FOSL1: variants seen among roughly 807,000 people sequenced by gnomAD.
FOSL1 encodes the protein FOS like 1, AP-1 transcription factor subunit, also known as fos-related antigen 1.
In FOSL1, 14 loss-of-function variants were observed where a neutral mutation model predicts 24.9. The ratio of observed to expected loss-of-function variants is 0.56; its 90% CI spans 0.37 to 0.88. The LOEUF is 0.88. Ranked by LOEUF, FOSL1 falls within the 40% of genes least tolerant of loss-of-function variation. FOSL1 has a pLI of 0.00. For synonymous variants in FOSL1, 133 were observed against 145.1 expected (o/e 0.92, Z 0.60); for missense variants, 318 against 359.8 (o/e 0.88, Z 0.94).
rs1860408062 is a variant in FOSL1 at position 65,892,433 on chromosome 11, A to G, written c.*453T>C. 1 of 380,564 alleles carries G rather than the reference A, an allele frequency of 2.6e-6. No individual in the cohort carries two copies. The highest frequency in any genetic ancestry group is 5.2e-6 in the Non-Finnish European group (1 of 191,260). 23.6% of individuals were successfully genotyped at this position (380,564 alleles called of 1,614,324 possible). On this transcript the variant is annotated 3_prime_UTR_variant, in exon 4 of 4. Coordinates refer to ENST00000312562, the MANE Select transcript of FOSL1 (RefSeq NM_005438.5). Reference sequence around the variant, plus strand: ...AGGGGGCGGCAGAATGGCCTGGTCCAATCACCTGCTGCTGCTGGCAGTGGG... The same window carrying G: ...AGGGGGCGGCAGAATGGCCTGGTCCGATCACCTGCTGCTGCTGGCAGTGGG...
At chr11:65,898,256 G>GCC (rs1322785727) in intron 1 of FOSL1, among the ~76,000 whole-genome samples, 1 of 152,064 alleles carries the variant, frequency 6.6e-6, no homozygotes, top group Non-Finnish European at 1.5e-5. Context: ...GGCCAGGCTG[G>GCC]TCTTGAACTC....
chr11:65,895,927 A>C (rs773259839), intron 2 of FOSL1, among the ~76,000 whole-genome samples: 24 of 152,364 alleles, frequency 1.6e-4, no homozygotes, highest in South Asian at 8.3e-4. Context: ...TTATTTTGGT[A>C]AGGGCTTTGG....
rs1361935162 is a variant in FOSL1 at position 65,896,833 on chromosome 11, C to A, written c.273G>T (p.Gly91=). 6.2e-7 allele frequency: 1 copy of A among 1,611,544 alleles called. No individual in the cohort carries two copies. The highest frequency in any genetic ancestry group is 8.5e-7 in the Non-Finnish European group (1 of 1,178,432). ...GVIRALGPPP[G]VRRRPCEQIS... ...CCTGTTCACAAGGCCTTCGACGTAC[C>A]CCTGGAGGCGGCCCCAGGGCCCGGA... Residue 91 remains glycine (G), a synonymous_variant, in exon 2 of 4, where the codon GGG becomes GGT. Coordinates refer to ENST00000312562, the MANE Select transcript of FOSL1 (RefSeq NM_005438.5).
At chr11:65,893,376 A>G in intron 3 of FOSL1, 80 bp from the exon 4 acceptor site, 2 of 660,468 alleles carry the variant, frequency 3.0e-6, no homozygotes, top group African/African-American at 1.9e-5. Context: ...CAGGGTTCTG[A>G]GGAGCTGGGG....
At chr11:65,895,816 C>T (rs1860512622) in intron 2 of FOSL1, among the ~76,000 whole-genome samples, 1 of 152,166 alleles carries the variant, frequency 6.6e-6, no homozygotes, top group Admixed American at 6.6e-5. Context: ...TACCTGCCGA[C>T]CAAGCTTTTT....
chr11:65,896,690 G>A, intron 2 of FOSL1, 119 bp downstream of exon 2: 2 of 783,302 alleles, frequency 2.6e-6, no homozygotes, highest in Non-Finnish European at 2.0e-6. Context: ...TTGGGCAGTA[G>A]TCACCTGTAG....
Position 65,899,232 on chromosome 11 carries a change from A to G in FOSL1, c.99+1009T>C, listed in dbSNP as rs543717149. ...GCCCAATCGTCCGGGAAGCGCCCAC[A>G]AGCCCAGGCAAGTCCCGACAGCGGT... On this transcript the variant is annotated intron_variant, in intron 1 of 3. Coordinates refer to ENST00000312562, the MANE Select transcript of FOSL1 (RefSeq NM_005438.5). Among the ~76,000 whole-genome samples the G allele has an allele frequency of 4.4e-3, 665 of 152,298 alleles. 4 individuals carry two copies. Among genetic ancestry groups the G allele is most frequent in the Non-Finnish European group, 7.4e-3 (502 of 68,018 alleles).
rs1239025776 is a variant in FOSL1, at chr11:65,892,987, T to C, written c.715A>G (p.Ser239Gly). The C allele has an allele frequency of 3.1e-6, 5 of 1,612,610 alleles. No individual in the cohort carries two copies. In the African/African-American group the frequency reaches 4.0e-5, roughly 13 times the overall value. Residue 239 changes from serine to glycine, a missense_variant, in exon 4 of 4, where the codon AGC (serine) becomes GGC (glycine). Coordinates refer to ENST00000312562, the MANE Select transcript of FOSL1 (RefSeq NM_005438.5). ...FTPSLVFTYP[S>G]TPEPCASAHR... ...GCTGAGGCACAAGGCTCAGGAGTGCTGGGGTAGGTGAAGACCAGGCTGGGG... is the reference window on the plus strand; with the variant it reads ...GCTGAGGCACAAGGCTCAGGAGTGCCGGGGTAGGTGAAGACCAGGCTGGGG...
At position 65,893,181 on chromosome 11, in the gene FOSL1, A is replaced by T. The variant is rs748610244; in HGVS notation, c.521T>A (p.Ile174Asn). The change falls in exon 4 of 4, where the codon ATC becomes AAC. Residue 174 changes from isoleucine (I) to asparagine (N), a missense_variant. Coordinates refer to ENST00000312562, the MANE Select transcript of FOSL1 (RefSeq NM_005438.5). ...VLEAHRPICKIPEGAKEGDTG... is the reference protein window; with the variant it reads ...VLEAHRPICKNPEGAKEGDTG... ...GTCCCCCTCCTTGGCTCCTTCCGGG[A>T]TTTTGCAGATGGGTCGGTGGGCTTC... 1.9e-6 allele frequency: 3 copies of T among 1,613,738 alleles called. No homozygotes were observed. The Admixed American group carries it at 5.0e-5, about 27-fold the overall frequency.
chr11:65,896,864 C>A lies in FOSL1; in HGVS notation c.242G>T (p.Gly81Val). The A allele has an allele frequency of 1.2e-6, 2 of 1,613,816 alleles. No individual in the cohort carries two copies. Among genetic ancestry groups the A allele is most frequent in the Non-Finnish European group, 1.7e-6 (2 of 1,179,798 alleles). Residue 81 changes from glycine (G) to valine (V), a missense_variant, in exon 2 of 4, where the codon GGA becomes GTA. Physicochemically the swap from Gly to Val is moderately radical, Grantham distance 109. Coordinates refer to ENST00000312562, the MANE Select transcript of FOSL1 (RefSeq NM_005438.5). ...AGGCGGCCCCAGGGCCCGGATGACTCCTGGCCGGGGTTGTGGGGGGCTGTA... is the reference window on the plus strand; with the variant it reads ...AGGCGGCCCCAGGGCCCGGATGACTACTGGCCGGGGTTGTGGGGGGCTGTA... ...PQYSPPQPRP[G>V]VIRALGPPPG...
chr11:65,893,916 G>A (rs2134791759), intron 3 of FOSL1, 98 bp downstream of exon 3: 1 of 802,164 alleles, frequency 1.2e-6, no homozygotes, highest in Non-Finnish European at 2.1e-6. Context: ...CTCAGACAAG[G>A]AGCTAGGATG....
In FOSL1 at chr11:65,893,304, A is replaced by T. The variant is rs1418352239; in HGVS notation, c.406-8T>A. 4 of 1,591,702 alleles carry T rather than the reference A, an allele frequency of 2.5e-6. No individual in the cohort carries two copies. Among genetic ancestry groups the T allele is most frequent in the Admixed American group, 1.7e-5 (1 of 58,674 alleles). ...TTCCAGTTTGTCAGTCTCCTGTAGA[A>T]GATCAGGAGAGGAGTCAGAAAGGTG... On this transcript the variant is annotated splice_region_variant and splice_polypyrimidine_tract_variant and intron_variant, in intron 3 of 3. Transcript: ENST00000312562.
chr11:65,896,846 C>T lies in FOSL1; in HGVS notation c.260G>A (p.Gly87Glu). 1.2e-6 allele frequency: 2 copies of T among 1,612,768 alleles called. No homozygotes were observed. The highest frequency in any genetic ancestry group is 1.1e-5 in the South Asian group (1 of 91,028). ...QPRPGVIRAL[G>E]PPPGVRRRPC... ...CCTTCGACGTACCCCTGGAGGCGGC[C>T]CCAGGGCCCGGATGACTCCTGGCCG... The change falls in exon 2 of 4, where the codon GGG (glycine) becomes GAG (glutamate). Residue 87 changes from glycine (G) to glutamate (E), a missense_variant. Gly to Glu is a moderately conservative substitution (Grantham distance 98). Transcript: ENST00000312562.
intron 1 of FOSL1, among the ~76,000 whole-genome samples, chr11:65,897,784 C>T (rs1466920911): frequency 6.6e-6 from 1 of 152,056 alleles, no homozygotes. Flanking sequence ...CTGTGAGAAT[C>T]AGGTGAGAGA....
chr11:65,894,063 G>A lies in FOSL1; in HGVS notation c.356C>T (p.Ala119Val), dbSNP rs1438581647. 3 of 1,610,990 alleles carry A rather than the reference G, an allele frequency of 1.9e-6. No individual in the cohort carries two copies. The highest frequency in any genetic ancestry group is 1.1e-5 in the South Asian group (1 of 90,520). Residue 119 changes from alanine (A) to valine (V), a missense_variant, in exon 3 of 4, where the codon GCG becomes GTG. Transcript: ENST00000312562. ...RVRRERNKLA[A>V]AKCRNRRKEL... ...CTTCCTCCGGTTCCTGCACTTGGCC[G>A]CAGCCAGCTTGTTCCGCTCGCGCCT...
chr11:65,896,972 C>G lies in FOSL1; in HGVS notation c.134G>C (p.Ser45Thr), dbSNP rs1423930305. ...CATCCACTGCAGCTCCTGACTGCCA[C>G]TCATGGTGTTGATGCTTGGCACCAG... ...FHLVPSINTM[S>T]GSQELQWMVQ... The change falls in exon 2 of 4, where the codon AGT becomes ACT. Residue 45 changes from serine to threonine, a missense_variant. By Grantham distance (58) the Ser-to-Thr change is moderately conservative (BLOSUM62 1). Coordinates refer to ENST00000312562, the MANE Select transcript of FOSL1 (RefSeq NM_005438.5). 6.2e-7 allele frequency: 1 copy of G among 1,613,998 alleles called. No individual in the cohort carries two copies. Among genetic ancestry groups the G allele is most frequent in the Non-Finnish European group, 8.5e-7 (1 of 1,179,974 alleles).
At chr11:65,895,123 CTT>C (rs71036251) in intron 2 of FOSL1, among the ~76,000 whole-genome samples, 35 of 111,396 alleles carry the variant, frequency 3.1e-4, no homozygotes, top group African/African-American at 1.0e-3. Context: ...AACATAGATT[CTT>C]TTTTTTTTTT....
At chr11:65,896,055 A>G (rs1006936783) in intron 2 of FOSL1, among the ~76,000 whole-genome samples, 6 of 152,134 alleles carry the variant, frequency 3.9e-5, no homozygotes, top group Non-Finnish European at 7.3e-5. Flanking sequence ...CGGTAGAGAC[A>G]GGGTCTCTCT....
At chr11:65,893,596 GC>G (rs1349894407) in intron 3 of FOSL1, among the ~76,000 whole-genome samples, 1 of 152,118 alleles carries the variant, frequency 6.6e-6, no homozygotes, top group Non-Finnish European at 1.5e-5. Context: ...TTTGAGACCA[GC>G]CTGGCTAACT....
Sources: gnomAD v4.1 joint callset for allele counts (sites outside exome capture counted in the v4.1 genomes callset) on GRCh38, gnomAD v4.1.1 for gene constraint, MANE v1.5 for transcripts, NCBI Gene and HGNC (gene_info 2026-07-23, HGNC 2026-07-21) for gene names.